Variants in IQSEC2 observed in about 807,000 individuals in gnomAD.
The protein encoded by IQSEC2 is IQ motif and Sec7 domain ArfGEF 2, also known as IQ motif and SEC7 domain-containing protein 2.
In IQSEC2, 6 loss-of-function variants were observed where a neutral mutation model predicts 74.6. The observed-to-expected ratio is 0.08, with a 90% CI of 0.04 to 0.16. The LOEUF is 0.16. IQSEC2 is among the 10% of genes least tolerant of loss of function. IQSEC2 has a pLI of 1.00. For missense variants in IQSEC2, 734 were observed against 1,306.2 expected (o/e 0.56, Z 6.75); for synonymous variants, 494 against 544.5 (o/e 0.91, Z 1.29).
intron 7 of IQSEC2, among the ~76,000 whole-genome samples, chrX:53,247,351 C>T (rs1390790662): frequency 8.9e-6 from 1 of 112,399 alleles, no homozygotes; most frequent in Non-Finnish European, 1.9e-5. Flanking sequence ...CGTTGTTTCA[C>T]GTAATCCTAT....
rs996649152 is a variant in IQSEC2, at chrX:53,289,734, G to A, written c.737+2161C>T. On this transcript the variant is annotated intron_variant, in intron 2 of 14. Coordinates refer to ENST00000642864, the MANE Select transcript of IQSEC2 (RefSeq NM_001111125.3). ...TTCCCATAGCCTGAGTTTGACCCTC[G>A]CTTCCCAGATGCTGACTCCTCTAGG... Among the ~76,000 whole-genome samples the A allele has an allele frequency of 1.6e-4, 18 of 111,375 alleles. 1 individual carries two copies. The highest frequency in any genetic ancestry group is 5.8e-4 in the Admixed American group (6 of 10,432).
At chrX:53,254,190 C>T (rs2074430753) in intron 4 of IQSEC2, among the ~76,000 whole-genome samples, 1 of 109,862 alleles carries the variant, frequency 9.1e-6, no homozygotes, top group African/African-American at 3.3e-5. Context: ...ATTAGCCGGG[C>T]GTGGTGTCAC....
intron 1 of IQSEC2, among the ~76,000 whole-genome samples, chrX:53,302,900 C>T (rs1381965039): frequency 4.5e-5 from 5 of 111,787 alleles, no homozygotes; most frequent in Non-Finnish European, 9.4e-5. Flanking sequence ...AAAACTCTGT[C>T]TCTACAAAAA....
At chrX:53,320,359 G>C in intron 1 of IQSEC2, 58 bp downstream of exon 1, 1 of 1,013,775 alleles carries the variant, frequency 9.9e-7, no homozygotes, top group Non-Finnish European at 1.4e-6. Context: ...CTATCAGCTG[G>C]ACAAGTTGGA....
intron 2 of IQSEC2, chrX:53,279,182 G>GAA: frequency 1.1e-4 from 14 of 122,381 alleles, no homozygotes; most frequent in East Asian, 2.0e-4. Context: ...CTCCATCTCA[G>GAA]AAAAAAAAAA....
intron 4 of IQSEC2, 127 bp from the exon 5 acceptor site, chrX:53,251,301 C>A: frequency 1.4e-6 from 1 of 702,113 alleles, no homozygotes; most frequent in Non-Finnish European, 2.1e-6. Flanking sequence ...GGTAGGTCAG[C>A]AAGGAGGGTG....
At chrX:53,266,593 G>A (rs2074660503) in intron 2 of IQSEC2, 1 of 783,178 alleles carries the variant, frequency 1.3e-6, no homozygotes, top group Non-Finnish European at 1.5e-6. Flanking sequence ...GAGGACAGAG[G>A]TAGGTCCTTG....
At chrX:53,256,710 G>C (rs1001362427) in intron 2 of IQSEC2, among the ~76,000 whole-genome samples, 1 of 112,800 alleles carries the variant, frequency 8.9e-6, no homozygotes, top group African/African-American at 3.2e-5. Flanking sequence ...CTGGTTGCGA[G>C]GGCAGGGCCA....
intron 5 of IQSEC2, among the ~76,000 whole-genome samples, chrX:53,250,035 A>G (rs1569301334): frequency 9.0e-6 from 1 of 111,396 alleles, no homozygotes; most frequent in African/African-American, 3.3e-5. Context: ...TAGTGGGGTC[A>G]TCTCACCCAA....
At chrX:53,245,121 C>G (rs2074283428) in intron 8 of IQSEC2, among the ~76,000 whole-genome samples, 1 of 110,308 alleles carries the variant, frequency 9.1e-6, no homozygotes, top group Non-Finnish European at 1.9e-5. Context: ...CCCACTCACT[C>G]TTCTCTCTAA....
At chrX:53,319,286 A>C (rs1391723248) in intron 1 of IQSEC2, among the ~76,000 whole-genome samples, 1 of 112,379 alleles carries the variant, frequency 8.9e-6, no homozygotes, top group Non-Finnish European at 1.9e-5. Flanking sequence ...AGGACTTCAG[A>C]CTTGCTCTGT....
chrX:53,270,650 T>C (rs2074728303), intron 2 of IQSEC2, among the ~76,000 whole-genome samples: 2 of 112,323 alleles, frequency 1.8e-5, no homozygotes, highest in Non-Finnish European at 3.8e-5. Flanking sequence ...TCTGTCTCAC[T>C]CACTGTAAGA....
intron 1 of IQSEC2, among the ~76,000 whole-genome samples, chrX:53,299,817 C>T (rs913166533): frequency 9.0e-6 from 1 of 111,340 alleles, no homozygotes; most frequent in Admixed American, 9.5e-5. Flanking sequence ...GTGGTGTGAG[C>T]ATCGCTCACA....
intron 1 of IQSEC2, among the ~76,000 whole-genome samples, chrX:53,316,210 A>G (rs895839026): frequency 2.9e-4 from 32 of 111,894 alleles, no homozygotes; most frequent in African/African-American, 1.0e-3. Context: ...ATGTTTGTAG[A>G]TGATAACAAC....
chrX:53,284,323 G>T (rs782169583), intron 2 of IQSEC2, among the ~76,000 whole-genome samples: 16 of 109,870 alleles, frequency 1.5e-4, no homozygotes, highest in Admixed American at 5.8e-4. Flanking sequence ...CTGTGAGCTA[G>T]CCCCTACCCC....
intron 10 of IQSEC2, 83 bp downstream of exon 10, chrX:53,241,701 C>CA: frequency 8.6e-7 from 1 of 1,161,799 alleles, no homozygotes; most frequent in Middle Eastern, 2.3e-4. Context: ...ACACACCACA[C>CA]ACCTACATCA....
intron 2 of IQSEC2, among the ~76,000 whole-genome samples, chrX:53,282,562 T>C (rs1206071568): frequency 8.9e-6 from 1 of 112,465 alleles, no homozygotes; most frequent in Non-Finnish European, 1.9e-5. Context: ...AGGGGGCCAG[T>C]GATCTAGAAG....
At chrX:53,295,126 C>CT (rs2075138163) in intron 1 of IQSEC2, among the ~76,000 whole-genome samples, 1 of 111,886 alleles carries the variant, frequency 8.9e-6, no homozygotes, top group Non-Finnish European at 1.9e-5. Context: ...CCTGGCCAGC[C>CT]TTGTCTTAAT....
intron 1 of IQSEC2, among the ~76,000 whole-genome samples, chrX:53,293,847 G>A (rs782550060): frequency 4.2e-4 from 47 of 112,136 alleles, no homozygotes; most frequent in Admixed American, 4.1e-3. Flanking sequence ...CTATGTACCA[G>A]GCATAGTGTT....
Sources: gnomAD v4.1 joint callset for allele counts (sites outside exome capture counted in the v4.1 genomes callset) on GRCh38, gnomAD v4.1.1 for gene constraint, MANE v1.5 for transcripts, NCBI Gene and HGNC (gene_info 2026-07-23, HGNC 2026-07-21) for gene names.